DENND5A: variants seen among roughly 807,000 people sequenced by gnomAD.
The protein encoded by DENND5A is DENN domain-containing protein 5A.
In DENND5A, 64 loss-of-function variants were observed where a neutral mutation model predicts 140.3. That is an observed-to-expected ratio of 0.46 (90% CI 0.37 to 0.56). The LOEUF (loss-of-function observed/expected upper bound fraction) is 0.56. Among genes scored for constraint, DENND5A ranks in the 20% least tolerant of loss-of-function variants. The pLI, the probability that DENND5A is intolerant of heterozygous loss-of-function variation, is 0.00. For missense variants in DENND5A, 1,292 were observed against 1,593.8 expected (o/e 0.81, Z 3.22); for synonymous variants, 605 against 607.7 (o/e 1.00, Z 0.07).
At chr11:9,195,897 CA>C (rs929610303) in intron 4 of DENND5A, among the ~76,000 whole-genome samples, 85 of 145,370 alleles carry the variant, frequency 5.8e-4, no homozygotes, top group Non-Finnish European at 7.9e-4. Context: ...TCTCAAAAAA[CA>C]AAAAAAAAAG....
chr11:9,139,698 C>T lies in DENND5A; in HGVS notation c.3837G>A (p.Thr1279=), dbSNP rs138216293. The change falls in exon 23 of 23, where the codon ACG becomes ACA. Residue 1279 remains threonine, a synonymous_variant. Coordinates refer to ENST00000328194, the MANE Select transcript of DENND5A (RefSeq NM_015213.4). The part of the protein sequence containing the change: ...TLQEFNITLE[T]SLVKGIDI ...AGATGTCGATGCCCTTGACAAGGGA[C>T]GTCTCCAGCGTGATGTTGAACTCCT... The T allele has an allele frequency of 9.9e-6, 16 of 1,613,694 alleles. No homozygotes were observed. The highest frequency in any genetic ancestry group is 6.7e-5 in the African/African-American group (5 of 74,894).
At chr11:9,160,071 T>C (rs1277057588) in intron 12 of DENND5A, among the ~76,000 whole-genome samples, 1 of 152,218 alleles carries the variant, frequency 6.6e-6, no homozygotes, top group Admixed American at 6.5e-5. Context: ...CCTTGAGAAA[T>C]ACCAATGGAT....
At chr11:9,238,949 A>G (rs921762570) in intron 1 of DENND5A, among the ~76,000 whole-genome samples, 4 of 150,284 alleles carry the variant, frequency 2.7e-5, no homozygotes, top group Non-Finnish European at 5.9e-5. Context: ...CTCCTGCCTC[A>G]GCTTCCTGAG....
chr11:9,263,932 G>T (rs1438182823), intron 1 of DENND5A, among the ~76,000 whole-genome samples: 1 of 151,082 alleles, frequency 6.6e-6, no homozygotes, highest in Non-Finnish European at 1.5e-5. Flanking sequence ...TTGAAGCCGA[G>T]TAAGATTAGT....
chr11:9,213,307 T>C (rs1262671702), intron 1 of DENND5A, among the ~76,000 whole-genome samples: 1 of 151,928 alleles, frequency 6.6e-6, no homozygotes, highest in Non-Finnish European at 1.5e-5. Flanking sequence ...ATAATATCTA[T>C]ATAGTTCTGC....
At chr11:9,194,328 G>A (rs1457202442) in intron 4 of DENND5A, among the ~76,000 whole-genome samples, 1 of 152,198 alleles carries the variant, frequency 6.6e-6, no homozygotes. Flanking sequence ...ACTTTGGGAG[G>A]CCGAGGCAGG....
intron 3 of DENND5A, among the ~76,000 whole-genome samples, chr11:9,205,350 T>C (rs1170392852): frequency 4.6e-5 from 7 of 152,186 alleles, no homozygotes; most frequent in Admixed American, 4.6e-4. Context: ...TATCCTGGGT[T>C]AACAAATACA....
At chr11:9,156,613 C>T (rs1386522742) in intron 12 of DENND5A, among the ~76,000 whole-genome samples, 10 of 146,396 alleles carry the variant, frequency 6.8e-5, no homozygotes, top group African/African-American at 1.0e-4. Flanking sequence ...GGCAACAGAG[C>T]GAGACTCCGT....
chr11:9,237,144 C>T (rs1244377179), intron 1 of DENND5A, among the ~76,000 whole-genome samples: 5 of 152,188 alleles, frequency 3.3e-5, no homozygotes, highest in African/African-American at 9.7e-5. Flanking sequence ...TGGGCCGGCA[C>T]GGTGGCTCAC....
chr11:9,236,087 A>T (rs1300896813), intron 1 of DENND5A, among the ~76,000 whole-genome samples: 6 of 151,888 alleles, frequency 4.0e-5, no homozygotes, highest in African/African-American at 7.3e-5. Context: ...CAAAAAATTT[A>T]AAAATTAGCC....
intron 10 of DENND5A, among the ~76,000 whole-genome samples, chr11:9,167,349 T>G (rs937233424): frequency 2.6e-5 from 4 of 151,502 alleles, no homozygotes; most frequent in Admixed American, 6.6e-5. Context: ...GTTAGCTATC[T>G]CCATACCACC....
At chr11:9,192,494 G>C (rs970733387) in intron 5 of DENND5A, among the ~76,000 whole-genome samples, 2 of 152,150 alleles carry the variant, frequency 1.3e-5, no homozygotes, top group African/African-American at 2.4e-5. Context: ...CGGGTGTGGT[G>C]GTGGGCACCT....
chr11:9,144,307 C>A (rs778963681), intron 18 of DENND5A, 29 bp from the exon 19 acceptor site: 53 of 1,610,518 alleles, frequency 3.3e-5, no homozygotes, highest in African/African-American at 1.2e-4. Flanking sequence ...ACTGTCAGAG[C>A]AGCCAGCTCC....
intron 12 of DENND5A, among the ~76,000 whole-genome samples, chr11:9,154,299 AGC>A (rs1395866294): frequency 2.6e-5 from 4 of 152,232 alleles, no homozygotes; most frequent in African/African-American, 9.6e-5. Context: ...ACCGTTAGTA[AGC>A]AGAGTGTTGG....
At chr11:9,184,929 C>T (rs536209231) in intron 5 of DENND5A, among the ~76,000 whole-genome samples, 172 of 152,316 alleles carry the variant, frequency 1.1e-3, no homozygotes, top group Non-Finnish European at 2.0e-3. Flanking sequence ...CAGTGCCTCA[C>T]GCCTGTAATC....
intron 5 of DENND5A, among the ~76,000 whole-genome samples, chr11:9,188,993 G>A (rs1216817460): frequency 2.0e-5 from 3 of 152,226 alleles, no homozygotes; most frequent in Non-Finnish European, 4.4e-5. Context: ...CATATCAGAG[G>A]TCTTCACGGC....
At chr11:9,247,292 G>C (rs1590334099) in intron 1 of DENND5A, among the ~76,000 whole-genome samples, 1 of 150,934 alleles carries the variant, frequency 6.6e-6, no homozygotes, top group African/African-American at 2.4e-5. Context: ...TGAACATTCA[G>C]CTGCCTCGTC....
intron 1 of DENND5A, among the ~76,000 whole-genome samples, chr11:9,234,912 G>A (rs112033060): frequency 0.022 from 3,330 of 152,212 alleles, 118 homozygotes; most frequent in African/African-American, 0.076. Flanking sequence ...TGAAAGCTGT[G>A]AGACTCCCGA....
intron 6 of DENND5A, among the ~76,000 whole-genome samples, chr11:9,179,385 G>A (rs563061573): frequency 9.9e-5 from 15 of 152,258 alleles, no homozygotes; most frequent in Admixed American, 5.2e-4. Flanking sequence ...TCAAAGGTCA[G>A]GGAGAAAGGA....
Sources: gnomAD v4.1 joint callset for allele counts (sites outside exome capture counted in the v4.1 genomes callset) on GRCh38, gnomAD v4.1.1 for gene constraint, MANE v1.5 for transcripts, NCBI Gene and HGNC (gene_info 2026-07-23, HGNC 2026-07-21) for gene names.